Variants in NEBL observed in about 807,000 individuals in gnomAD.
The protein encoded by NEBL is nebulette, also known as LIM and SH3 protein 2.
In NEBL, 122 loss-of-function variants were observed where a neutral mutation model predicts 140.2. That is an observed-to-expected ratio of 0.87 (90% confidence interval 0.75 to 1.01). The LOEUF (loss-of-function observed/expected upper bound fraction) is 1.01, where lower values mean the gene tolerates loss of function less well. Ranked by LOEUF, NEBL falls within the 50% of genes least tolerant of loss-of-function variation. The pLI is 0.00. For missense variants in NEBL, 1,365 were observed against 1,231.3 expected (o/e 1.11, Z -1.62); for synonymous variants, 436 against 398.9 (o/e 1.09, Z -1.11).
chr10:21,228,106 T>A (rs1181142861), intron 3 of NEBL, among the ~76,000 whole-genome samples: 1 of 151,992 alleles, frequency 6.6e-6, no homozygotes, highest in Non-Finnish European at 1.5e-5. Context: ...AATCCAAAGT[T>A]TTTTGGGTTT....
intron 2 of NEBL, among the ~76,000 whole-genome samples, chr10:21,137,352 G>A (rs1023436603): frequency 6.6e-6 from 1 of 152,192 alleles, no homozygotes; most frequent in Non-Finnish European, 1.5e-5. Flanking sequence ...GTTAGCCACA[G>A]CTATTCTTGC....
chr10:20,944,503 CTG>C, intron 4 of NEBL, among the ~76,000 whole-genome samples: 1 of 152,298 alleles, frequency 6.6e-6, no homozygotes, highest in East Asian at 1.9e-4. Context: ...CTGAGATTTT[CTG>C]TGTTTGCATG....
intron 2 of NEBL, among the ~76,000 whole-genome samples, chr10:21,061,564 A>G (rs1443961336): frequency 1.3e-5 from 2 of 148,468 alleles, no homozygotes; most frequent in African/African-American, 4.9e-5. Flanking sequence ...ATAAATATAA[A>G]TATAAATAGC....
At chr10:20,810,403 A>G (rs145119675) in intron 24 of NEBL, among the ~76,000 whole-genome samples, 6 of 152,378 alleles carry the variant, frequency 3.9e-5, no homozygotes, top group African/African-American at 1.4e-4. Flanking sequence ...AGAAATGAAT[A>G]TTTAAAATGT....
chr10:20,939,291 A>C (rs961380510), intron 4 of NEBL, among the ~76,000 whole-genome samples: 1 of 152,216 alleles, frequency 6.6e-6, no homozygotes, highest in Non-Finnish European at 1.5e-5. Context: ...AACATTCTTA[A>C]AGAAAAGAAT....
intron 3 of NEBL, among the ~76,000 whole-genome samples, chr10:21,240,891 G>A (rs1299566889): frequency 7.2e-6 from 1 of 139,102 alleles, no homozygotes; most frequent in Non-Finnish European, 1.5e-5. Flanking sequence ...ACAGAACAGG[G>A]CAAAACACGC....
At chr10:21,044,613 C>T (rs1564491262) in intron 2 of NEBL, among the ~76,000 whole-genome samples, 2 of 151,998 alleles carry the variant, frequency 1.3e-5, no homozygotes, top group Non-Finnish European at 2.9e-5. Context: ...CAGATTCTTC[C>T]CACCACACTG....
chr10:20,813,005 T>A, intron 23 of NEBL, 65 bp from the exon 24 acceptor site: 1 of 1,371,016 alleles, frequency 7.3e-7, no homozygotes, highest in Non-Finnish European at 1.0e-6. Flanking sequence ...ACATTTTTAT[T>A]AAATGACAGG....
At chr10:20,920,593 A>G (rs1273386218) in intron 4 of NEBL, among the ~76,000 whole-genome samples, 1 of 152,196 alleles carries the variant, frequency 6.6e-6, no homozygotes, top group African/African-American at 2.4e-5. Flanking sequence ...ATATGAACAC[A>G]TTTACTTCTG....
At chr10:20,808,184 A>G (rs1837784859) in intron 26 of NEBL, among the ~76,000 whole-genome samples, 1 of 152,118 alleles carries the variant, frequency 6.6e-6, no homozygotes, top group Non-Finnish European at 1.5e-5. Flanking sequence ...AGTTTCTCCT[A>G]TGACTGTGTA....
intron 2 of NEBL, among the ~76,000 whole-genome samples, chr10:21,166,705 G>A (rs1030085910): frequency 2.0e-5 from 3 of 152,172 alleles, no homozygotes; most frequent in African/African-American, 4.8e-5. Context: ...CTTGGCAATC[G>A]AGAGACTTGC....
chr10:21,020,032 C>G, intron 3 of NEBL: 2 of 1,193,058 alleles, frequency 1.7e-6, no homozygotes, highest in East Asian at 2.4e-5. Flanking sequence ...CCAGCAGGAA[C>G]AGTACGAAGA....
intron 16 of NEBL, 144 bp from the exon 17 acceptor site, chr10:20,828,778 A>C: frequency 1.6e-6 from 1 of 634,088 alleles, no homozygotes; most frequent in South Asian, 1.8e-5. Flanking sequence ...AGAGAGAGAG[A>C]GAGAGGTGGA....
chr10:20,934,706 C>T (rs539079746), intron 4 of NEBL, among the ~76,000 whole-genome samples: 62 of 152,300 alleles, frequency 4.1e-4, no homozygotes, highest in Non-Finnish European at 4.3e-4. Context: ...CCCCTCTCTG[C>T]TACCAAGCTG....
At chr10:21,119,959 A>G (rs74121023) in intron 2 of NEBL, among the ~76,000 whole-genome samples, 2,903 of 152,212 alleles carry the variant, frequency 0.019, 88 homozygotes, top group African/African-American at 0.065. Context: ...GATTTATCTA[A>G]TTGTTTCCTC....
intron 2 of NEBL, among the ~76,000 whole-genome samples, chr10:21,028,235 CAAAAAAA>C (rs1168946872): frequency 7.5e-5 from 5 of 66,244 alleles, no homozygotes; most frequent in South Asian, 9.2e-4. Flanking sequence ...TCAAACATCT[CAAAAAAA>C]AAAAAAAAAA....
intron 3 of NEBL, among the ~76,000 whole-genome samples, chr10:20,983,117 C>T (rs964184219): frequency 6.6e-6 from 1 of 152,160 alleles, no homozygotes; most frequent in Non-Finnish European, 1.5e-5. Flanking sequence ...GGAGCTGGGC[C>T]TATCCCATGG....
upstream of NEBL, among the ~76,000 whole-genome samples, chr10:21,179,558 C>T (rs1356544403): frequency 2.0e-5 from 3 of 152,058 alleles, no homozygotes; most frequent in Admixed American, 6.6e-5. Context: ...TTGAGGATCT[C>T]CTCCCACCTC....
intron 2 of NEBL, among the ~76,000 whole-genome samples, chr10:21,144,346 G>A (rs1339326544): frequency 6.6e-6 from 1 of 152,220 alleles, no homozygotes; most frequent in Admixed American, 6.5e-5. Flanking sequence ...CCCTGGTACT[G>A]CATTCAACCA....
Sources: allele counts gnomAD v4.1 joint callset (sites outside exome capture counted in the v4.1 genomes callset), GRCh38; gene constraint gnomAD v4.1.1; transcripts MANE v1.5; gene names NCBI Gene and HGNC (gene_info 2026-07-23, HGNC 2026-07-21).